SPEN: variants seen among roughly 807,000 people sequenced by gnomAD.
The protein encoded by SPEN is msx2-interacting protein.
SPEN carries 18 observed loss-of-function variants against 269.9 expected under a neutral mutation model. That is an observed-to-expected ratio of 0.07 (90% CI 0.05 to 0.10). SPEN has a LOEUF of 0.10. SPEN is among the 10% of genes least tolerant of loss of function. SPEN has a pLI of 1.00. For missense variants in SPEN, 3,822 were observed against 4,631.2 expected (o/e 0.83, Z 5.07); for synonymous variants, 1,726 against 1,765.7 (o/e 0.98, Z 0.56).
rs2071285235 is a variant in SPEN, at chr1:15,937,273, G to T, written c.10137G>T (p.Gln3379His). ...CPPSQLGQPG[Q>H]PPSSKMPQVS... ...CCTCCCAGCTCGGTCAGCCCGGCCA[G>T]CCACCAAGCAGCAAGATGCCTCAAG... Residue 3379 changes from glutamine (Q) to histidine (H), a missense_variant, in exon 12 of 15, where the codon CAG (glutamine) becomes CAT (histidine). Gln to His is a conservative substitution (Grantham distance 24). Transcript: ENST00000375759. This position sits in a 1 kb window ranked among gnomAD's most constrained non-coding sequence, Gnocchi z 5.7. The T allele has an allele frequency of 6.2e-7, 1 of 1,613,818 alleles. No individual in the cohort carries two copies. The highest frequency in any genetic ancestry group is 8.5e-7 in the Non-Finnish European group (1 of 1,179,974).
chr1:15,936,065 T>A lies in SPEN; in HGVS notation c.9825T>A (p.Ser3275Arg). 2 of 1,589,094 alleles carry A rather than the reference T, an allele frequency of 1.3e-6. No homozygotes were observed. Among genetic ancestry groups the A allele is most frequent in the Non-Finnish European group, 1.7e-6 (2 of 1,164,984 alleles). Residue 3275 changes from serine (S) to arginine (R), a missense_variant, in exon 11 of 15, where the codon AGT becomes AGA. Physicochemically the swap from Ser to Arg is moderately radical, Grantham distance 110 (BLOSUM62 -1). Coordinates refer to ENST00000375759, the MANE Select transcript of SPEN (RefSeq NM_015001.3). ...GEARILTVTP[S>R]NQLQGLPLTP... Reference sequence around the variant, plus strand: ...CCCGTATCCTCACAGTTACCCCCAGTAACCAACTCCAGGGGCTGCCTCTGA... The same window carrying A: ...CCCGTATCCTCACAGTTACCCCCAGAAACCAACTCCAGGGGCTGCCTCTGA...
At chr1:15,876,713 T>A in intron 3 of SPEN, 35 bp downstream of exon 3, 1 of 1,477,634 alleles carries the variant, frequency 6.8e-7, no homozygotes, top group Non-Finnish European at 9.4e-7. Context: ...ACAGATGAGC[T>A]AGCTTTAAAC....
rs549244579 is a variant in SPEN, at chr1:15,919,537, A to G, written c.1635+20A>G. ...GTAAAGGTAGGCGGGAGGTTTTGGT[A>G]TGTGGTTCAGACTTCTGACTCACTC... is the stretch of plus-strand genomic sequence containing the variant. On this transcript the variant is annotated intron_variant, in intron 8 of 14. Coordinates refer to ENST00000375759, the MANE Select transcript of SPEN (RefSeq NM_015001.3). 2.0e-6 allele frequency: 3 copies of G among 1,522,666 alleles called. No homozygotes were observed. The highest frequency in any genetic ancestry group is 8.9e-7 in the Non-Finnish European group (1 of 1,118,376). 94.3% of individuals were successfully genotyped at this position (1,522,666 alleles called of 1,614,324 possible).
chr1:15,933,134 C>G lies in SPEN; in HGVS notation c.6894C>G (p.Thr2298=), dbSNP rs747289189. ...ACCCCTCAGCCGGCCCAACAGATAC[C>G]AAGGAAGCCAGAGGAAATAGCAGTG... ...APDPSAGPTD[T]KEARGNSSET... Residue 2298 remains threonine, a synonymous_variant, in exon 11 of 15, where the codon ACC becomes ACG. Transcript: ENST00000375759. This position sits in a 1 kb window ranked among gnomAD's most constrained non-coding sequence, Gnocchi z 5.7. The G allele has an allele frequency of 6.2e-7, 1 of 1,614,118 alleles. No individual in the cohort carries two copies. Among genetic ancestry groups the G allele is most frequent in the Non-Finnish European group, 8.5e-7 (1 of 1,180,026 alleles).
At chr1:15,926,913 T>C (rs187253271) in intron 10 of SPEN, among the ~76,000 whole-genome samples, 3 of 152,204 alleles carry the variant, frequency 2.0e-5, no homozygotes, top group Admixed American at 1.3e-4. Flanking sequence ...AGGATGGTCT[T>C]GATCTCCTAA....
Position 15,933,342 on chromosome 1 carries a change from G to T in SPEN, c.7102G>T (p.Ala2368Ser). 6.2e-7 allele frequency: 1 copy of T among 1,614,152 alleles called. No individual in the cohort carries two copies. The highest frequency in any genetic ancestry group is 8.5e-7 in the Non-Finnish European group (1 of 1,180,020). The change falls in exon 11 of 15, where the codon GCT (alanine) becomes TCT (serine). Residue 2368 changes from alanine (A) to serine (S), a missense_variant. Coordinates refer to ENST00000375759, the MANE Select transcript of SPEN (RefSeq NM_015001.3). This position sits in a 1 kb window ranked among gnomAD's most constrained non-coding sequence, Gnocchi z 5.7. ...ESNQAQGESP[A>S]ANEGTTVQHP... ...CAACCAAGCTCAAGGTGAGAGTCCT[G>T]CTGCAAATGAGGGGACAACAGTACA... is the stretch of plus-strand genomic sequence containing the variant.
chr1:15,911,830 G>A (rs535500068), intron 5 of SPEN, among the ~76,000 whole-genome samples: 55 of 152,128 alleles, frequency 3.6e-4, no homozygotes, highest in African/African-American at 1.2e-3. Flanking sequence ...GCGTGGTGGC[G>A]CACGCCTGTA....
In SPEN at chr1:15,918,917, T is replaced by G; in HGVS notation, c.1396-9T>G. Reference sequence around the variant, plus strand: ...CATATTGCTAAGTTGTATTCATTGGTTTTTTCAGGATATTGACATTAAGAA... The same window carrying G: ...CATATTGCTAAGTTGTATTCATTGGGTTTTTCAGGATATTGACATTAAGAA... On this transcript the variant is annotated splice_polypyrimidine_tract_variant and intron_variant, in intron 6 of 14. Coordinates refer to ENST00000375759, the MANE Select transcript of SPEN (RefSeq NM_015001.3). 11 of 1,603,654 alleles carry G rather than the reference T, an allele frequency of 6.9e-6. No homozygotes were observed. The highest frequency in any genetic ancestry group is 9.3e-6 in the Non-Finnish European group (11 of 1,176,836).
Position 15,933,915 on chromosome 1 carries a change from G to A in SPEN, c.7675G>A (p.Ala2559Thr). ...TTCCACAAGTGTCACCACAGCCATTGCAGAGCCTGTCAGTGCTGCCCCTTG... is the reference window on the plus strand; with the variant it reads ...TTCCACAAGTGTCACCACAGCCATTACAGAGCCTGTCAGTGCTGCCCCTTG... The part of the protein sequence containing the change: ...VTSTSVTTAI[A>T]EPVSAAPCLH... Residue 2559 changes from alanine to threonine, a missense_variant, in exon 11 of 15, where the codon GCA (alanine) becomes ACA (threonine). Physicochemically the swap from Ala to Thr is moderately conservative, Grantham distance 58. Around this residue, in one of 16 missense-constraint regions of SPEN, gnomAD observed 727 missense variants for 737.9 expected, o/e 0.99. Coordinates refer to ENST00000375759, the MANE Select transcript of SPEN (RefSeq NM_015001.3). This position sits in a 1 kb window ranked among gnomAD's most constrained non-coding sequence, Gnocchi z 5.7. The A allele has an allele frequency of 6.2e-7, 1 of 1,614,028 alleles. No individual in the cohort carries two copies. The highest frequency in any genetic ancestry group is 8.5e-7 in the Non-Finnish European group (1 of 1,180,030).
chr1:15,932,075 C>T lies in SPEN; in HGVS notation c.5835C>T (p.Pro1945=). ...ERELQEAAAV[P]TTPRRGRPPK... ...AGCTTCAGGAGGCTGCAGCGGTTCCCACCACCCCTCGGAGGGGAAGGCCTC... is the reference window on the plus strand; with the variant it reads ...AGCTTCAGGAGGCTGCAGCGGTTCCTACCACCCCTCGGAGGGGAAGGCCTC... Residue 1945 remains proline (P), a synonymous_variant, in exon 11 of 15, where the codon CCC becomes CCT. Coordinates refer to ENST00000375759, the MANE Select transcript of SPEN (RefSeq NM_015001.3). This position sits in a 1 kb window ranked among gnomAD's most constrained non-coding sequence, Gnocchi z 4.2. 1 of 1,614,094 alleles carries T rather than the reference C, an allele frequency of 6.2e-7. No homozygotes were observed. The highest frequency in any genetic ancestry group is 8.5e-7 in the Non-Finnish European group (1 of 1,180,038).
intron 3 of SPEN, among the ~76,000 whole-genome samples, chr1:15,887,430 C>T (rs968583095): frequency 1.4e-4 from 21 of 151,454 alleles, no homozygotes; most frequent in African/African-American, 2.9e-4. Flanking sequence ...CACAAGCGCC[C>T]GCCACCACGC....
At position 15,937,689 on chromosome 1, in the gene SPEN, T is replaced by C. The variant is rs1415288156; in HGVS notation, c.10509+44T>C. On this transcript the variant is annotated intron_variant, in intron 12 of 14. Coordinates refer to ENST00000375759, the MANE Select transcript of SPEN (RefSeq NM_015001.3). This position sits in a 1 kb window ranked among gnomAD's most constrained non-coding sequence, Gnocchi z 5.7. ...TGCCCTTCCTGGCCCCCAAGTTTTA[T>C]GCCATGTCAAATGTCCTAAGATTCC... The C allele has an allele frequency of 1.9e-6, 3 of 1,606,874 alleles. No homozygotes were observed. The highest frequency in any genetic ancestry group is 2.6e-6 in the Non-Finnish European group (3 of 1,175,096).
rs112120816 is a variant in SPEN at position 15,932,401 on chromosome 1, C to A, written c.6161C>A (p.Pro2054His). Residue 2054 changes from proline to histidine, a missense_variant, in exon 11 of 15, where the codon CCC (proline) becomes CAC (histidine). Coordinates refer to ENST00000375759, the MANE Select transcript of SPEN (RefSeq NM_015001.3). The surrounding 1 kb of genome is among the most constrained non-coding windows in gnomAD (Gnocchi z 4.2). ...AAAGATGCTGGCACAGACAAAAACCCCCCTGAAACCGCCCCTGTTGAAGTT... is the reference window on the plus strand; with the variant it reads ...AAAGATGCTGGCACAGACAAAAACCACCCTGAAACCGCCCCTGTTGAAGTT... ...DRKDAGTDKNPPETAPVEVVE... is the reference protein window; with the variant it reads ...DRKDAGTDKNHPETAPVEVVE... 3.7e-6 allele frequency: 6 copies of A among 1,614,086 alleles called. No homozygotes were observed. The highest frequency in any genetic ancestry group is 5.1e-6 in the Non-Finnish European group (6 of 1,180,034).
rs1271495613 is a variant in SPEN at position 15,937,802 on chromosome 1, C to T, written c.10510-10C>T. ...ATGAGCTCACTTCCTGTTTGTTTCC[C>T]TGTGAGCAGAAGTACCCCATCGTGT... On this transcript the variant is annotated splice_polypyrimidine_tract_variant and intron_variant, in intron 12 of 14. Coordinates refer to ENST00000375759, the MANE Select transcript of SPEN (RefSeq NM_015001.3). The surrounding 1 kb of genome is among the most constrained non-coding windows in gnomAD (Gnocchi z 5.7). 15 of 1,613,722 alleles carry T rather than the reference C, an allele frequency of 9.3e-6. No individual in the cohort carries two copies. The highest frequency in any genetic ancestry group is 1.2e-5 in the Non-Finnish European group (14 of 1,179,864).
chr1:15,926,743 A>G (rs1351278712), intron 10 of SPEN, among the ~76,000 whole-genome samples: 4 of 146,762 alleles, frequency 2.7e-5, no homozygotes, highest in African/African-American at 5.1e-5. Context: ...CCCAAGCTGG[A>G]GTGCAGCGGC....
rs34927068 is a variant in SPEN at position 15,850,400 on chromosome 1, GTT to G, written c.83+2260_83+2261del. Among the ~76,000 whole-genome samples the G allele has an allele frequency of 7.7e-3, 1,153 of 149,922 alleles. 24 individuals are homozygous for G. The highest frequency in any genetic ancestry group is 0.026 in the African/African-American group (1,069 of 40,844). On this transcript the variant is annotated intron_variant, in intron 1 of 14. Transcript: ENST00000375759. ...TCCCTGAAATTCTTTTATTTTAAAG[GTT>G]TTTTTTTTTCATTTTTAAACAAATC...
intron 7 of SPEN, 40 bp downstream of exon 7, chr1:15,919,091 G>A (rs2071091443): frequency 6.3e-7 from 1 of 1,578,372 alleles, no homozygotes; most frequent in African/African-American, 1.4e-5. Flanking sequence ...GTTATGATTT[G>A]CTTTGTTTTT....
At chr1:15,870,474 G>A (rs1476815817) in intron 1 of SPEN, among the ~76,000 whole-genome samples, 3 of 152,092 alleles carry the variant, frequency 2.0e-5, no homozygotes, top group South Asian at 2.1e-4. Flanking sequence ...ATCATAAAAC[G>A]ACTCAGATGT....
intron 3 of SPEN, among the ~76,000 whole-genome samples, chr1:15,883,231 GACAC>G (rs1386114214): frequency 1.3e-5 from 2 of 152,116 alleles, no homozygotes; most frequent in African/African-American, 4.8e-5. Flanking sequence ...GGGAAAGAAA[GACAC>G]ACACACAGTT....
Sources: gnomAD v4.1 joint callset for allele counts (sites outside exome capture counted in the v4.1 genomes callset) on GRCh38, gnomAD v4.1.1 for gene constraint, gnomAD v4.1.1 regional missense constraint, Gnocchi (gnomAD v3.1) non-coding constraint, MANE v1.5 for transcripts, NCBI Gene and HGNC (gene_info 2026-07-23, HGNC 2026-07-21) for gene names.